Variants in GPR146 observed in about 807,000 individuals in gnomAD.
GPR146 encodes the protein G protein-coupled receptor 146.
For missense variants in GPR146, 381 were observed against 213.9 expected (o/e 1.78, Z -4.87); for synonymous variants, 203 against 104.3 (o/e 1.95, Z -5.77).
At chr7:1,049,562 AG>A (rs1297439340) in intron 1 of GPR146, among the ~76,000 whole-genome samples, 1 of 152,170 alleles carries the variant, frequency 6.6e-6, no homozygotes, top group Non-Finnish European at 1.5e-5. Context: ...CTTCCTAGGA[AG>A]ACGGAGGGCG....
intron 1 of GPR146, among the ~76,000 whole-genome samples, chr7:1,055,039 C>A (rs1783578486): frequency 6.6e-6 from 1 of 152,214 alleles, no homozygotes; most frequent in South Asian, 2.1e-4. Flanking sequence ...GCCTGACCTG[C>A]CCCCAGGCTC....
Position 1,052,223 on chromosome 7 carries a change from C to A in GPR146, c.-24-5269C>A, listed in dbSNP as rs539699278. ...TGCTCCAGGCTGAGTGGGTGAGGAG[C>A]CTCTGAGCAGGCGCCTGCGTCGAGG... On this transcript the variant is annotated intron_variant, in intron 1 of 1. Transcript: ENST00000444847. This position sits in a 1 kb window ranked among gnomAD's most constrained non-coding sequence, Gnocchi z 4.2. Among the ~76,000 whole-genome samples the A allele has an allele frequency of 1.8e-4, 27 of 152,380 alleles. No individual in the cohort carries two copies. Among genetic ancestry groups the A allele is most frequent in the African/African-American group, 5.8e-4 (24 of 41,596 alleles).
Position 1,046,669 on chromosome 7 carries a change from C to T in GPR146, c.-25+2011C>T, listed in dbSNP as rs149867793. Among the ~76,000 whole-genome samples the T allele has an allele frequency of 7.7e-4, 118 of 152,264 alleles. 1 individual carries two copies. The East Asian group carries it at 0.019, about 25-fold the overall frequency. On this transcript the variant is annotated intron_variant, in intron 1 of 1. Coordinates refer to ENST00000444847, the MANE Select transcript of GPR146 (RefSeq NM_001303473.2). Reference sequence around the variant, plus strand: ...AGCGTGCTGTCTACCCAGGAGCCTCCGTGTGCAAACAAAATACCCCCTTGA... The same window carrying T: ...AGCGTGCTGTCTACCCAGGAGCCTCTGTGTGCAAACAAAATACCCCCTTGA...
intron 1 of GPR146, among the ~76,000 whole-genome samples, chr7:1,049,396 T>C (rs1174874369): frequency 6.6e-6 from 1 of 152,192 alleles, no homozygotes; most frequent in African/African-American, 2.4e-5. Context: ...CCCTCCTGTC[T>C]CATGAAGATT....
chr7:1,053,659 C>G (rs1184858836), intron 1 of GPR146, among the ~76,000 whole-genome samples: 1 of 152,154 alleles, frequency 6.6e-6, no homozygotes, highest in Non-Finnish European at 1.5e-5. Flanking sequence ...GAAACCTTGT[C>G]TCTACTGAAA....
rs1207357908 is a variant in GPR146, at chr7:1,048,288, G to A, written c.-25+3630G>A. ...CTCTGACAGGGCCCTAAGCAACAGA[G>A]GAAAGAACTTCCCGACTAACAGGGA... On this transcript the variant is annotated intron_variant, in intron 1 of 1. Coordinates refer to ENST00000444847, the MANE Select transcript of GPR146 (RefSeq NM_001303473.2). Among the ~76,000 whole-genome samples, 3 of 152,188 alleles carry A rather than the reference G, an allele frequency of 2.0e-5. No homozygotes were observed. The East Asian group carries it at 5.8e-4, about 29-fold the overall frequency.
At chr7:1,055,355 G>A in intron 1 of GPR146, 1 of 471,022 alleles carries the variant, frequency 2.1e-6, no homozygotes, top group Middle Eastern at 3.3e-4. Flanking sequence ...AGAGCCTGCG[G>A]GTTTGCAGAG....
intron 1 of GPR146, among the ~76,000 whole-genome samples, chr7:1,047,199 C>G (rs375967163): frequency 6.6e-6 from 1 of 152,248 alleles, no homozygotes; most frequent in Non-Finnish European, 1.5e-5. Flanking sequence ...GCTGCAGGCA[C>G]AGGTGCCCAG....
rs376359673 is a variant in GPR146, at chr7:1,053,073, G to C, written c.-24-4419G>C. 1.7e-3 allele frequency among the ~76,000 whole-genome samples: 253 copies of C among 152,352 alleles called. 6 individuals carry two copies. In the South Asian group the frequency reaches 0.028, roughly 17 times the overall value. ...GAAGGCACAGCGGGCCTGCCCAGTG[G>C]GGGGAGAAGCCAGGCCATTGTTCTC... On this transcript the variant is annotated intron_variant, in intron 1 of 1. Coordinates refer to ENST00000444847, the MANE Select transcript of GPR146 (RefSeq NM_001303473.2).
chr7:1,048,205 A>T (rs914252495), intron 1 of GPR146, among the ~76,000 whole-genome samples: 1 of 152,180 alleles, frequency 6.6e-6, no homozygotes, highest in Non-Finnish European at 1.5e-5. Context: ...AGACAGTGTG[A>T]AAGAGAGCAC....
chr7:1,057,921 A>C lies in GPR146; in HGVS notation c.406A>C (p.Thr136Pro). The part of the protein sequence containing the change: ...DHYIERALPR[T>P]YMASVYNTRH... ...CTACATCGAGCGTGCACTGCCGCGGACCTACATGGCCAGCGTGTACAACAC... is the reference window on the plus strand; with the variant it reads ...CTACATCGAGCGTGCACTGCCGCGGCCCTACATGGCCAGCGTGTACAACAC... The change falls in exon 2 of 2, where the codon ACC becomes CCC. Residue 136 changes from threonine (T) to proline (P), a missense_variant. Thr to Pro is a conservative substitution (Grantham distance 38). Coordinates refer to ENST00000444847, the MANE Select transcript of GPR146 (RefSeq NM_001303473.2). 1 of 774,914 alleles carries C rather than the reference A, an allele frequency of 1.3e-6. No homozygotes were observed. The highest frequency in any genetic ancestry group is 2.4e-6 in the Non-Finnish European group (1 of 418,040). 48.0% of individuals were successfully genotyped at this position (774,914 alleles called of 1,614,324 possible).
intron 1 of GPR146, among the ~76,000 whole-genome samples, chr7:1,047,598 T>C (rs1782697908): frequency 6.6e-6 from 1 of 152,142 alleles, no homozygotes; most frequent in African/African-American, 2.4e-5. Context: ...CATTCCAGAG[T>C]CATTTTGAAA....
chr7:1,053,492 C>T (rs534892537), intron 1 of GPR146, among the ~76,000 whole-genome samples: 7 of 152,332 alleles, frequency 4.6e-5, no homozygotes, highest in South Asian at 2.1e-4. Flanking sequence ...GGCCCTGGCA[C>T]GCTGTGGTTC....
intron 1 of GPR146, among the ~76,000 whole-genome samples, chr7:1,050,786 C>T (rs940278830): frequency 3.5e-4 from 53 of 152,222 alleles, no homozygotes; most frequent in African/African-American, 1.3e-3. Context: ...AGAGGCACAG[C>T]TGAGGACCCA....
At chr7:1,051,206 G>C (rs888351383) in intron 1 of GPR146, among the ~76,000 whole-genome samples, 2 of 152,170 alleles carry the variant, frequency 1.3e-5, no homozygotes, top group Admixed American at 6.5e-5. Context: ...CCAGAAAACG[G>C]GGCGCCAGCC....
chr7:1,054,579 T>C (rs767942554), intron 1 of GPR146, among the ~76,000 whole-genome samples: 1 of 152,226 alleles, frequency 6.6e-6, no homozygotes, highest in Non-Finnish European at 1.5e-5. Context: ...ATCGAGCCAT[T>C]CTTAGCCCTG....
chr7:1,055,310 C>T (rs1217457087), intron 1 of GPR146: 2 of 471,072 alleles, frequency 4.2e-6, no homozygotes, highest in African/African-American at 2.0e-5. Flanking sequence ...GGGGCCCTCA[C>T]ACGCACGCGC....
rs764821470 is a variant in GPR146 at position 1,057,645 on chromosome 7, TA to T, written c.131del (p.Tyr44SerfsTer16). 3.9e-6 allele frequency: 3 copies of T among 770,628 alleles called. No individual in the cohort carries two copies. The African/African-American group carries it at 5.1e-5, about 13-fold the overall frequency. The allele number at this position is 770,628 out of a possible 1,614,324, so 47.7% of individuals were successfully genotyped here. A position where few individuals can be genotyped will look rare whatever the true frequency, so the allele number is the denominator to read the frequency against. On this transcript the variant is annotated frameshift_variant, in exon 2 of 2. Coordinates refer to ENST00000444847, the MANE Select transcript of GPR146 (RefSeq NM_001303473.2). LOFTEE classifies it low-confidence loss of function (END_TRUNC). ...LVVGVPVGLC[Y>X]NALLVLANLH... Reference sequence around the variant, plus strand: ...GGTGGGCGTGCCAGTGGGCCTGTGCTACAACGCCCTGCTGGTGCTGGCCAAC... The same window carrying T: ...GGTGGGCGTGCCAGTGGGCCTGTGCTCAACGCCCTGCTGGTGCTGGCCAAC...
rs1583534439 is a variant in GPR146 at position 1,044,593 on chromosome 7, C to T, written c.-90C>T. The T allele has an allele frequency of 1.3e-5, 2 of 150,852 alleles. No individual in the cohort carries two copies. Among genetic ancestry groups the T allele is most frequent in the South Asian group, 4.1e-4 (2 of 4,832 alleles). The allele number at this position is 150,852 out of a possible 1,614,324, so 9.3% of individuals were successfully genotyped here. A position where few individuals can be genotyped will look rare whatever the true frequency, so the allele number is the denominator to read the frequency against. The stretch of plus-strand genomic sequence containing the variant: ...CGGGCGGCGTGCGCGCCGTGAGCCC[C>T]GCCGCCTCCGCCAGCCCGAGCTGCC... On this transcript the variant is annotated 5_prime_UTR_variant, in exon 1 of 2. Coordinates refer to ENST00000444847, the MANE Select transcript of GPR146 (RefSeq NM_001303473.2).
Sources: allele counts gnomAD v4.1 joint callset (sites outside exome capture counted in the v4.1 genomes callset), GRCh38; gene constraint gnomAD v4.1.1; non-coding constraint Gnocchi (gnomAD v3.1); transcripts MANE v1.5; gene names NCBI Gene and HGNC (gene_info 2026-07-23, HGNC 2026-07-21).